The following MEF2C variants were observed in gnomAD, a reference collection of about 807,000 sequenced individuals.
The protein encoded by MEF2C is myocyte enhancer factor 2C.
MEF2C carries 6 observed loss-of-function variants against 50.5 expected under a neutral mutation model. The ratio of observed to expected loss-of-function variants is 0.12; its 90% CI spans 0.07 to 0.23. The LOEUF (loss-of-function observed/expected upper bound fraction) is 0.23, where lower values mean the gene tolerates loss of function less well. MEF2C is among the 10% of genes least tolerant of loss of function. MEF2C has a pLI of 1.00. For missense variants in MEF2C, 276 were observed against 605.0 expected (o/e 0.46, Z 5.70); for synonymous variants, 183 against 228.0 (o/e 0.80, Z 1.78).
chr5:88,742,777 C>A, intron 6 of MEF2C: 1 of 985,298 alleles, frequency 1.0e-6, no homozygotes, highest in Non-Finnish European at 1.2e-6. Flanking sequence ...AGAATGGTAT[C>A]AAGGTAATGG....
intron 6 of MEF2C, chr5:88,746,818 G>C (rs1281035622): frequency 5.8e-6 from 2 of 344,218 alleles, no homozygotes; most frequent in Non-Finnish European, 8.2e-6. Flanking sequence ...TGCAACAGGT[G>C]TTCCTTGGGA....
At chr5:88,815,527 G>A (rs16903363) in intron 2 of MEF2C, among the ~76,000 whole-genome samples, 3 of 151,748 alleles carry the variant, frequency 2.0e-5, no homozygotes, top group Admixed American at 1.3e-4. Context: ...CTTATTAATG[G>A]TCCAACATAT....
In MEF2C at chr5:88,843,320, ATTGT is replaced by A. The variant is rs888931992; in HGVS notation, c.-142-19394_-142-19391del. 6 of 983,842 alleles carry A rather than the reference ATTGT, an allele frequency of 6.1e-6. No individual in the cohort carries two copies. In the African/African-American group the frequency reaches 8.8e-5, roughly 14 times the overall value. 60.9% of individuals were successfully genotyped at this position (983,842 alleles called of 1,614,324 possible). ...ATAGACATGTTACATCACGTAAAATATTGTTTGTGTGTTATTTAAATTTGGTTCC... is the reference window on the plus strand; with the variant it reads ...ATAGACATGTTACATCACGTAAAATATTGTGTGTTATTTAAATTTGGTTCC... On this transcript the variant is annotated intron_variant, in intron 1 of 10. Coordinates refer to ENST00000504921, the MANE Select transcript of MEF2C (RefSeq NM_002397.5).
chr5:88,885,028 A>T (rs1387667740), upstream of MEF2C, among the ~76,000 whole-genome samples: 2 of 151,560 alleles, frequency 1.3e-5, no homozygotes, highest in Admixed American at 6.6e-5. Flanking sequence ...AGGGAAAATT[A>T]ATAGAACATG....
At position 88,761,169 on chromosome 5, in the gene MEF2C, T is replaced by C. The variant is rs373582392; in HGVS notation, c.402+16A>G. The C allele has an allele frequency of 1.0e-4, 167 of 1,613,956 alleles. 1 individual carries two copies. In the African/African-American group the frequency reaches 1.9e-3, roughly 18 times the overall value. On this transcript the variant is annotated intron_variant, in intron 4 of 10. Transcript: ENST00000504921. ...TATCAAGAGTAAAAAAAATGAAGGGTGTTCTGAGTACTTACACACAATCTT... is the reference window on the plus strand; with the variant it reads ...TATCAAGAGTAAAAAAAATGAAGGGCGTTCTGAGTACTTACACACAATCTT...
intron 3 of MEF2C, among the ~76,000 whole-genome samples, chr5:88,787,017 A>G (rs978478184): frequency 6.6e-6 from 1 of 152,222 alleles, no homozygotes; most frequent in African/African-American, 2.4e-5. Flanking sequence ...ATGTCCATCA[A>G]TATCTACTGA....
intron 3 of MEF2C, chr5:88,772,955 C>T: frequency 1.0e-6 from 1 of 958,454 alleles, no homozygotes; most frequent in Non-Finnish European, 1.2e-6. Context: ...CCATTGACAA[C>T]TGTTAACACA....
At chr5:88,740,408 A>T (rs1766087415) in intron 6 of MEF2C, 1 of 985,232 alleles carries the variant, frequency 1.0e-6, no homozygotes, top group South Asian at 4.7e-5. Flanking sequence ...TCCATCAAGT[A>T]GGTTTGTGTT....
intron 2 of MEF2C, among the ~76,000 whole-genome samples, chr5:88,815,098 A>G (rs1329782081): frequency 6.6e-6 from 1 of 152,150 alleles, no homozygotes; most frequent in Non-Finnish European, 1.5e-5. Context: ...TCTCATCTAC[A>G]TAAGAGATAT....
At chr5:88,758,854 A>G (rs1019911412) in intron 4 of MEF2C, among the ~76,000 whole-genome samples, 9 of 152,204 alleles carry the variant, frequency 5.9e-5, no homozygotes, top group African/African-American at 2.2e-4. Flanking sequence ...GAAATCACGT[A>G]TCTTGATCTT....
At chr5:88,793,101 A>G (rs1794518946) in intron 3 of MEF2C, among the ~76,000 whole-genome samples, 1 of 152,170 alleles carries the variant, frequency 6.6e-6, no homozygotes, top group African/African-American at 2.4e-5. Flanking sequence ...CAACTTCAAC[A>G]GTGCTCTGAT....
chr5:88,756,267 T>C (rs982057925), intron 4 of MEF2C, among the ~76,000 whole-genome samples: 3 of 152,278 alleles, frequency 2.0e-5, no homozygotes, highest in Non-Finnish European at 2.9e-5. Flanking sequence ...ATAGTGAACA[T>C]TGTACCTAAG....
Position 88,719,141 on chromosome 5 carries a change from G to A in MEF2C, c.*3463C>T, listed in dbSNP as rs546024168. On this transcript the variant is annotated 3_prime_UTR_variant, in exon 11 of 11. Coordinates refer to ENST00000504921, the MANE Select transcript of MEF2C (RefSeq NM_002397.5). ...TATCTCTAAGTTAAAAGATGGGTATGTAAGAAAAACAAATCCATAAAAGTG... is the reference window on the plus strand; with the variant it reads ...TATCTCTAAGTTAAAAGATGGGTATATAAGAAAAACAAATCCATAAAAGTG... 3.3e-5 allele frequency: 5 copies of A among 152,292 alleles called. No individual in the cohort carries two copies. The highest frequency in any genetic ancestry group is 7.4e-5 in the Non-Finnish European group (5 of 68,018). 9.4% of individuals were successfully genotyped at this position (152,292 alleles called of 1,614,324 possible). A position where few individuals can be genotyped will look rare whatever the true frequency, so the allele number is the denominator to read the frequency against.
At chr5:88,785,892 T>G (rs1484530038) in intron 3 of MEF2C, among the ~76,000 whole-genome samples, 7 of 152,106 alleles carry the variant, frequency 4.6e-5, no homozygotes. Flanking sequence ...CCTAGAAGTC[T>G]GAAGAGAGAG....
At chr5:88,900,487 T>C (rs1412734353) in intron 1 of MEF2C, among the ~76,000 whole-genome samples, 1 of 151,924 alleles carries the variant, frequency 6.6e-6, no homozygotes, top group African/African-American at 2.4e-5. Flanking sequence ...TTTGATAATT[T>C]TTTTATTTCT....
chr5:88,743,113 T>G, intron 6 of MEF2C: 7 of 958,174 alleles, frequency 7.3e-6, no homozygotes, highest in Non-Finnish European at 8.7e-6. Context: ...AACCTAGATT[T>G]TTTTCATTTG....
chr5:88,830,748 A>G (rs1458011639), intron 1 of MEF2C, among the ~76,000 whole-genome samples: 1 of 152,030 alleles, frequency 6.6e-6, no homozygotes, highest in African/African-American at 2.4e-5. Context: ...TGCAGCCACC[A>G]TGTTTTCTTT....
At chr5:88,729,485 T>C (rs1760455774) in intron 8 of MEF2C, 138 bp from the exon 9 acceptor site, 3 of 799,726 alleles carry the variant, frequency 3.8e-6, no homozygotes, top group East Asian at 5.6e-5. Context: ...TGTGTCTCTA[T>C]GAACTCTGCC....
chr5:88,861,242 A>G (rs1825396364), intron 1 of MEF2C, among the ~76,000 whole-genome samples: 1 of 152,218 alleles, frequency 6.6e-6, no homozygotes, highest in Admixed American at 6.5e-5. Context: ...CTGACTATAC[A>G]TTTCAATCAC....
Sources: allele counts gnomAD v4.1 joint callset (sites outside exome capture counted in the v4.1 genomes callset), GRCh38; gene constraint gnomAD v4.1.1; transcripts MANE v1.5; gene names NCBI Gene and HGNC (gene_info 2026-07-23, HGNC 2026-07-21).